Variants in CLIC2 observed in about 807,000 individuals in gnomAD.
CLIC2 encodes the protein CLIC family member 2, also known as chloride intracellular channel protein 2.
In CLIC2, 9 loss-of-function variants were observed where a neutral mutation model predicts 14.8. That is an observed-to-expected ratio of 0.61 (90% CI 0.37 to 1.06). The LOEUF (loss-of-function observed/expected upper bound fraction) is 1.06. Among genes scored for constraint, CLIC2 ranks in the 50% least tolerant of loss-of-function variants. The pLI, the probability that CLIC2 is intolerant of heterozygous loss-of-function variation, is 0.01. For missense variants in CLIC2, 148 were observed against 181.4 expected (o/e 0.82, Z 1.06); for synonymous variants, 61 against 66.3 (o/e 0.92, Z 0.39).
intron 1 of CLIC2, among the ~76,000 whole-genome samples, chrX:155,330,977 C>T (rs2075154814): frequency 9.0e-6 from 1 of 110,920 alleles, no homozygotes; most frequent in South Asian, 3.8e-4. Flanking sequence ...AAACACTGGA[C>T]AAAATTTCAA....
intron 3 of CLIC2, chrX:155,291,134 A>G: frequency 2.0e-6 from 2 of 1,018,629 alleles, no homozygotes; most frequent in South Asian, 3.8e-5. Flanking sequence ...ATATCCATTC[A>G]TATCCCTGGG....
intron 1 of CLIC2, among the ~76,000 whole-genome samples, chrX:155,312,035 T>C (rs1005807672): frequency 4.5e-5 from 5 of 111,602 alleles, no homozygotes; most frequent in Non-Finnish European, 9.4e-5. Flanking sequence ...ACCATATGAT[T>C]ATTGTTGCAA....
intron 1 of CLIC2, among the ~76,000 whole-genome samples, chrX:155,303,998 C>G (rs1557319570): frequency 1.9e-5 from 2 of 106,260 alleles, no homozygotes; most frequent in Non-Finnish European, 3.9e-5. Flanking sequence ...ACCTTTCTCT[C>G]TGGCTGCCCT....
At chrX:155,297,889 A>AGAT (rs2074999777) in intron 3 of CLIC2, among the ~76,000 whole-genome samples, 1 of 99,952 alleles carries the variant, frequency 1.0e-5, no homozygotes, top group African/African-American at 3.6e-5. Context: ...AAAAAAAAGA[A>AGAT]GGTGAACCAT....
chrX:155,285,990 T>A (rs1557317051), intron 3 of CLIC2, among the ~76,000 whole-genome samples: 1 of 109,990 alleles, frequency 9.1e-6, no homozygotes, highest in Non-Finnish European at 1.9e-5. Flanking sequence ...ATTAAAAAAA[T>A]TTATTTTAGT....
intron 3 of CLIC2, among the ~76,000 whole-genome samples, chrX:155,286,605 TAA>T (rs1380437551): frequency 1.3e-4 from 15 of 112,605 alleles, no homozygotes; most frequent in Non-Finnish European, 2.8e-4. Flanking sequence ...TGACAGTGTA[TAA>T]GTGTTTGCTT....
intron 1 of CLIC2, among the ~76,000 whole-genome samples, chrX:155,317,597 G>T (rs782409243): frequency 9.0e-6 from 1 of 111,448 alleles, no homozygotes; most frequent in South Asian, 3.8e-4. Context: ...AAAAGTCCAG[G>T]ACCAGACAGA....
At chrX:155,308,362 C>T (rs1040577016) in intron 1 of CLIC2, among the ~76,000 whole-genome samples, 7 of 107,755 alleles carry the variant, frequency 6.5e-5, no homozygotes, top group East Asian at 2.9e-4. Context: ...AACACACAGA[C>T]GAGAAAAAAG....
chrX:155,305,785 T>A (rs782436674), intron 1 of CLIC2, among the ~76,000 whole-genome samples: 2 of 112,822 alleles, frequency 1.8e-5, no homozygotes, highest in African/African-American at 6.4e-5. Flanking sequence ...TACATGTAAT[T>A]TTAAAAACAT....
intron 1 of CLIC2, among the ~76,000 whole-genome samples, chrX:155,320,162 G>A (rs1479875291): frequency 8.9e-6 from 1 of 112,396 alleles, no homozygotes; most frequent in East Asian, 2.8e-4. Flanking sequence ...CTGCCTACTG[G>A]TGCTAAAGAG....
chrX:155,305,056 A>T (rs1240427953), intron 1 of CLIC2, among the ~76,000 whole-genome samples: 8 of 112,153 alleles, frequency 7.1e-5, no homozygotes, highest in Non-Finnish European at 1.1e-4. Flanking sequence ...CTGCCCCCAG[A>T]GGTGGAGCCT....
At position 155,279,834 on chromosome X, in the gene CLIC2, G is replaced by A. The variant is rs782477376; in HGVS notation, c.400+128C>T. Reference sequence around the variant, plus strand: ...TCATGCGAGGGAATTTCAGAGGAGAGTATAGAGAATGAGGGGAAGACTAGG... The same window carrying A: ...TCATGCGAGGGAATTTCAGAGGAGAATATAGAGAATGAGGGGAAGACTAGG... On this transcript the variant is annotated intron_variant, in intron 4 of 5. Coordinates refer to ENST00000369449, the MANE Select transcript of CLIC2 (RefSeq NM_001289.6). 4.1e-6 allele frequency: 2 copies of A among 490,496 alleles called. 1 individual carries two copies. The highest frequency in any genetic ancestry group is 5.8e-5 in the South Asian group (2 of 34,731). The allele number at this position is 490,496 out of a possible 1,213,427, so 40.4% of individuals were successfully genotyped here.
intron 3 of CLIC2, among the ~76,000 whole-genome samples, chrX:155,298,325 G>C (rs2075001732): frequency 8.9e-6 from 1 of 112,266 alleles, no homozygotes; most frequent in African/African-American, 3.2e-5. Flanking sequence ...TGGGTAGACA[G>C]AGATGTGCGG....
At chrX:155,282,585 C>T (rs1479669302) in intron 3 of CLIC2, among the ~76,000 whole-genome samples, 1 of 110,984 alleles carries the variant, frequency 9.0e-6, no homozygotes, top group Non-Finnish European at 1.9e-5. Context: ...TGTAGTCTCC[C>T]AGCCCTGGGC....
intron 1 of CLIC2, among the ~76,000 whole-genome samples, chrX:155,331,740 A>C (rs1336486295): frequency 1.8e-5 from 2 of 111,016 alleles, no homozygotes; most frequent in Admixed American, 9.6e-5. Context: ...ATTCAGGACC[A>C]GGACTATATC....
chrX:155,299,989 G>T (rs782804404), intron 1 of CLIC2, among the ~76,000 whole-genome samples: 3 of 109,832 alleles, frequency 2.7e-5, no homozygotes, highest in Non-Finnish European at 5.7e-5. Flanking sequence ...TTGGACATTT[G>T]GGTTGGTTCC....
intron 1 of CLIC2, among the ~76,000 whole-genome samples, chrX:155,323,932 A>G (rs1368424358): frequency 8.9e-6 from 1 of 112,271 alleles, no homozygotes; most frequent in Non-Finnish European, 1.9e-5. Context: ...CAATTGCTAC[A>G]AAGAGAATAA....
chrX:155,303,428 G>T (rs1325119752), intron 1 of CLIC2, among the ~76,000 whole-genome samples: 1,309 of 43,897 alleles, frequency 0.03, no homozygotes, highest in Non-Finnish European at 0.033. Flanking sequence ...TTTTCCATTG[G>T]CTTGGTAGAT....
At chrX:155,316,884 T>C in intron 1 of CLIC2, among the ~76,000 whole-genome samples, 1 of 110,851 alleles carries the variant, frequency 9.0e-6, no homozygotes, top group Non-Finnish European at 1.9e-5. Flanking sequence ...TACTTTATAT[T>C]CTAGCCATGC....
Sources: allele counts gnomAD v4.1 joint callset (sites outside exome capture counted in the v4.1 genomes callset), GRCh38; gene constraint gnomAD v4.1.1; transcripts MANE v1.5; gene names NCBI Gene and HGNC (gene_info 2026-07-23, HGNC 2026-07-21).